Variants in MYH15 observed in about 807,000 individuals in gnomAD.
The protein encoded by MYH15 is myosin-15.
A neutral mutation model predicts 240.5 loss-of-function variants in MYH15; 227 were observed. The ratio of observed to expected loss-of-function variants is 0.94; its 90% confidence interval spans 0.85 to 1.05. MYH15 has a LOEUF of 1.05. Among genes scored for constraint, MYH15 ranks in the 50% least tolerant of loss-of-function variants. The probability of loss-of-function intolerance (pLI) is 0.00; values close to 1 mark genes in which losing one functional copy is unlikely to be tolerated. For missense variants in MYH15, 2,217 were observed against 2,247.5 expected, an observed-to-expected ratio of 0.99 and a Z score of 0.27; for synonymous variants, 785 against 796.7, an observed-to-expected ratio of 0.99 and a Z score of 0.25.
At chr3:108,486,975 G>T (rs532115849) in intron 9 of MYH15, among the ~76,000 whole-genome samples, 1 of 152,270 alleles carries the variant, frequency 6.6e-6, no homozygotes, top group East Asian at 1.9e-4. Context: ...CAGAAGCTGG[G>T]GTCAGCGCCC....
intron 28 of MYH15, among the ~76,000 whole-genome samples, chr3:108,420,381 TTGAGGAAA>T (rs1380063824): frequency 3.3e-5 from 5 of 152,208 alleles, no homozygotes; most frequent in African/African-American, 1.2e-4. Flanking sequence ...AGAGAAGCTC[TTGAGGAAA>T]TGAGTTGACA....
At chr3:108,518,913 A>G (rs900543592) in intron 1 of MYH15, among the ~76,000 whole-genome samples, 11 of 152,306 alleles carry the variant, frequency 7.2e-5, no homozygotes, top group African/African-American at 2.4e-4. Flanking sequence ...TCCTAATGAA[A>G]CATAAGTAAT....
At chr3:108,447,364 T>A (rs2082936968) in intron 21 of MYH15, among the ~76,000 whole-genome samples, 1 of 152,072 alleles carries the variant, frequency 6.6e-6, no homozygotes, top group Non-Finnish European at 1.5e-5. Flanking sequence ...CTAGATTCAT[T>A]AAGCCCAAAG....
At position 108,463,257 on chromosome 3, in the gene MYH15, T is replaced by C. The variant is rs1315264721; in HGVS notation, c.1732-14A>G. On this transcript the variant is annotated splice_polypyrimidine_tract_variant and intron_variant, in intron 15 of 40. Transcript: ENST00000693548. The stretch of plus-strand genomic sequence containing the variant: ...ATTATAAGGTACCTTTGGAAAGGCA[T>C]GCATTTCAGGTTAAAAAAAGAAAAA... 1.9e-6 allele frequency: 3 copies of C among 1,592,088 alleles called. No homozygotes were observed. The highest frequency in any genetic ancestry group is 2.7e-5 in the African/African-American group (2 of 73,140).
intron 21 of MYH15, among the ~76,000 whole-genome samples, chr3:108,453,461 G>T (rs1332142879): frequency 1.3e-5 from 2 of 152,152 alleles, no homozygotes; most frequent in Admixed American, 1.3e-4. Flanking sequence ...TTGCTAGCTT[G>T]CTTTTCATGA....
chr3:108,448,424 T>C (rs761285181), intron 21 of MYH15, among the ~76,000 whole-genome samples: 4 of 151,720 alleles, frequency 2.6e-5, no homozygotes, highest in Admixed American at 6.6e-5. Flanking sequence ...TCTATGCAAA[T>C]GGAAATTGAA....
chr3:108,391,664 G>A, intron 37 of MYH15, 96 bp downstream of exon 37: 3 of 1,256,964 alleles, frequency 2.4e-6, no homozygotes, highest in South Asian at 2.9e-5. Flanking sequence ...GTGATAAAGG[G>A]TATGTGTGTT....
At chr3:108,507,345 G>T (rs890493688) in intron 1 of MYH15, among the ~76,000 whole-genome samples, 1 of 145,110 alleles carries the variant, frequency 6.9e-6, no homozygotes, top group African/African-American at 2.5e-5. Flanking sequence ...CAGGTACATG[G>T]GGAAAGCCTT....
At chr3:108,504,138 G>A (rs1016898016) in intron 2 of MYH15, among the ~76,000 whole-genome samples, 22 of 152,174 alleles carry the variant, frequency 1.4e-4, no homozygotes, top group African/African-American at 4.1e-4. Context: ...ATTGCCTGGG[G>A]CTAGTGCAGG....
Position 108,444,805 on chromosome 3 carries a change from A to T in MYH15, c.2490T>A (p.Pro830=), listed in dbSNP as rs1329423885. The change falls in exon 22 of 41, where the codon CCT becomes CCA. Residue 830 remains proline (P), a synonymous_variant. Transcript: ENST00000693548. ...PWMRLFFKIK[P]LVKSSEVGEE... The stretch of plus-strand genomic sequence containing the variant: ...CTCCTACTTCTGAAGATTTAACAAG[A>T]GGCTTGATCTTGAAGAAGAGCCTCA... The T allele has an allele frequency of 6.2e-7, 1 of 1,614,008 alleles. No homozygotes were observed. The highest frequency in any genetic ancestry group is 1.7e-5 in the Admixed American group (1 of 59,988).
intron 1 of MYH15, 144 bp from the exon 2 acceptor site, chr3:108,505,973 C>G (rs2083472879): frequency 1.9e-6 from 1 of 525,318 alleles, no homozygotes; most frequent in Non-Finnish European, 3.3e-6. Flanking sequence ...CAGATAAAAT[C>G]ATGAAAGCTC....
rs1001246772 is a variant in MYH15 at position 108,391,852 on chromosome 3, G to T, written c.5338C>A (p.Gln1780Lys). 1.2e-6 allele frequency: 2 copies of T among 1,614,070 alleles called. No homozygotes were observed. Among genetic ancestry groups the T allele is most frequent in the Non-Finnish European group, 1.7e-6 (2 of 1,179,982 alleles). The change falls in exon 37 of 41, where the codon CAG (glutamine) becomes AAG (lysine). Residue 1780 changes from glutamine (Q) to lysine (K), a missense_variant. Physicochemically the swap from Gln to Lys is moderately conservative, Grantham distance 53 (BLOSUM62 1). Transcript: ENST00000693548. ...HLERTRENME[Q>K]TITDLQKRLA... ...CTTTTCTGTAAGTCTGTAATTGTCTGCTCCATATTTTCTCTTGTCCTTTCC... is the reference window on the plus strand; with the variant it reads ...CTTTTCTGTAAGTCTGTAATTGTCTTCTCCATATTTTCTCTTGTCCTTTCC...
chr3:108,413,330 G>C (rs2082608824), intron 30 of MYH15, among the ~76,000 whole-genome samples: 1 of 152,136 alleles, frequency 6.6e-6, no homozygotes, highest in African/African-American at 2.4e-5. Context: ...TGGATCACTT[G>C]GTACCCCTTC....
intron 27 of MYH15, 104 bp from the exon 28 acceptor site, chr3:108,421,318 C>T: frequency 1.5e-6 from 2 of 1,310,676 alleles, no homozygotes; most frequent in Non-Finnish European, 2.1e-6. Context: ...CGCATGCTCT[C>T]TTCTGTAGTA....
At chr3:108,392,202 C>T (rs2082427609) in intron 36 of MYH15, among the ~76,000 whole-genome samples, 1 of 152,142 alleles carries the variant, frequency 6.6e-6, no homozygotes, top group South Asian at 2.1e-4. Flanking sequence ...TATGCAACAC[C>T]TGTATTAAAA....
At chr3:108,463,916 G>A (rs2083092155) in intron 15 of MYH15, among the ~76,000 whole-genome samples, 1 of 151,516 alleles carries the variant, frequency 6.6e-6, no homozygotes, top group Non-Finnish European at 1.5e-5. Flanking sequence ...TTAAAGGCAA[G>A]AATGGTGAAA....
chr3:108,397,358 C>T (rs2082469726), intron 35 of MYH15, among the ~76,000 whole-genome samples: 1 of 152,182 alleles, frequency 6.6e-6, no homozygotes, highest in Non-Finnish European at 1.5e-5. Context: ...CCTTGACTTT[C>T]CTCTCTACCT....
chr3:108,496,492 G>T (rs1490728619), intron 6 of MYH15, among the ~76,000 whole-genome samples: 2 of 152,040 alleles, frequency 1.3e-5, no homozygotes, highest in Non-Finnish European at 2.9e-5. Context: ...CAATTTTATG[G>T]GGGTAATTAT....
intron 22 of MYH15, among the ~76,000 whole-genome samples, chr3:108,442,950 T>C (rs2082896791): frequency 6.6e-6 from 1 of 152,024 alleles, no homozygotes; most frequent in African/African-American, 2.4e-5. Flanking sequence ...GTGTTTCCCA[T>C]GCTCCCTACA....
Sources: gnomAD v4.1 joint callset for allele counts (sites outside exome capture counted in the v4.1 genomes callset) on GRCh38, gnomAD v4.1.1 for gene constraint, MANE v1.5 for transcripts, NCBI Gene and HGNC (gene_info 2026-07-23, HGNC 2026-07-21) for gene names.